Variants in DPRX observed in about 807,000 individuals in gnomAD.
DPRX encodes the protein divergent paired-related homeobox.
In DPRX, 11 loss-of-function variants were observed where a neutral mutation model predicts 8.4. That is an observed-to-expected ratio of 1.31 (90% CI 0.82 to 2.17). The LOEUF (loss-of-function observed/expected upper bound fraction) is 2.17. DPRX is among the 30% of genes most tolerant of loss of function. The probability of loss-of-function intolerance (pLI) is 0.00; values close to 1 mark genes in which losing one functional copy is unlikely to be tolerated. For synonymous variants in DPRX, 72 were observed against 87.0 expected (o/e 0.83, Z 0.96); for missense variants, 211 against 236.7 (o/e 0.89, Z 0.71).
chr19:53,632,117 CAG>C lies in DPRX; in HGVS notation c.14_15del (p.Glu5GlyfsTer4). 6.2e-7 allele frequency: 1 copy of C among 1,613,884 alleles called. No individual in the cohort carries two copies. The highest frequency in any genetic ancestry group is 8.5e-7 in the Non-Finnish European group (1 of 1,179,964). On this transcript the variant is annotated frameshift_variant, in exon 1 of 3. Coordinates refer to ENST00000376650, the Ensembl canonical transcript of DPRX. LOFTEE classifies it high-confidence loss of function. ...CATCTGGATTAGAAGATGCCAGGCT[CAG>C]AGGATCTTCGTAAAGGTAAGCCAGA... is the stretch of plus-strand genomic sequence containing the variant.
At chr19:53,621,621 C>T in the DPRX span, among the ~76,000 whole-genome samples, 1 of 151,796 alleles carries the variant, frequency 6.6e-6, no homozygotes, top group African/African-American at 2.4e-5. Context: ...CATGGTGAAA[C>T]GCTAATACAA....
chr19:53,620,092 C>A, the DPRX span, among the ~76,000 whole-genome samples: 5 of 152,052 alleles, frequency 3.3e-5, no homozygotes, highest in African/African-American at 1.2e-4. Context: ...CTTCTTTAGA[C>A]AGGGTCTCGC....
the DPRX span, among the ~76,000 whole-genome samples, chr19:53,602,821 G>C: frequency 6.6e-6 from 1 of 151,528 alleles, no homozygotes; most frequent in Admixed American, 6.6e-5. Context: ...GATTACAGGC[G>C]TGAGCCACTG....
chr19:53,633,215 C>T (rs984982396), intron 1 of DPRX, among the ~76,000 whole-genome samples: 5 of 152,116 alleles, frequency 3.3e-5, no homozygotes, highest in African/African-American at 1.2e-4. Flanking sequence ...ATCGCTTGAG[C>T]CTGGGGAGGT....
At chr19:53,601,167 C>G in the DPRX span, 1 of 438,892 alleles carries the variant, frequency 2.3e-6, no homozygotes, top group African/African-American at 2.0e-5. Flanking sequence ...CAGGCACACC[C>G]CACACTGTTA....
chr19:53,629,079 C>G (rs563188336), upstream of DPRX, among the ~76,000 whole-genome samples: 1 of 150,828 alleles, frequency 6.6e-6, no homozygotes, highest in African/African-American at 2.4e-5. Context: ...TTTGGGAGGC[C>G]GAGGCGGGCA....
the DPRX span, among the ~76,000 whole-genome samples, chr19:53,605,715 C>T: frequency 1.3e-5 from 2 of 151,766 alleles, no homozygotes; most frequent in East Asian, 1.9e-4. Flanking sequence ...CCCAGGCTGG[C>T]GTGCAGTGGT....
chr19:53,603,402 A>G, the DPRX span: 2 of 456,432 alleles, frequency 4.4e-6, no homozygotes, highest in East Asian at 7.0e-5. Context: ...CGGGGTGGGG[A>G]TGGTGCTGAC....
At chr19:53,619,653 C>A in the DPRX span, among the ~76,000 whole-genome samples, 5 of 138,068 alleles carry the variant, frequency 3.6e-5, no homozygotes, top group Admixed American at 3.0e-4. Context: ...CCAGCCTGGG[C>A]GACAAGAGTG....
At chr19:53,622,346 A>T in the DPRX span, among the ~76,000 whole-genome samples, 400 of 152,182 alleles carry the variant, frequency 2.6e-3, 1 homozygote, top group African/African-American at 8.7e-3. Flanking sequence ...TAAGAGAGAG[A>T]GAGAGAGGGG....
At chr19:53,634,723 C>T (rs1568585165) in intron 2 of DPRX, 38 bp downstream of exon 2, 7 of 1,589,090 alleles carry the variant, frequency 4.4e-6, no homozygotes, top group Non-Finnish European at 6.0e-6. Context: ...AACTGCCTTC[C>T]TGATCTAATC....
chr19:53,601,291 G>A, the DPRX span: 1 of 456,374 alleles, frequency 2.2e-6, no homozygotes, highest in South Asian at 1.5e-5. Flanking sequence ...TCCACATTGG[G>A]CCCAGGTCTC....
At chr19:53,608,644 C>A in the DPRX span, among the ~76,000 whole-genome samples, 6 of 152,284 alleles carry the variant, frequency 3.9e-5, no homozygotes, top group South Asian at 1.2e-3. Flanking sequence ...TGCCACTGAA[C>A]TGCATGCTTT....
intron 1 of DPRX, 132 bp downstream of exon 1, chr19:53,632,266 C>A: frequency 9.3e-7 from 1 of 1,073,256 alleles, no homozygotes; most frequent in Non-Finnish European, 1.4e-6. Context: ...GGACTTCCCA[C>A]AGAGGCTGTC....
the DPRX span, among the ~76,000 whole-genome samples, chr19:53,623,366 T>C: frequency 1.7e-4 from 25 of 148,348 alleles, no homozygotes; most frequent in Admixed American, 1.6e-3. Flanking sequence ...TGGCTGGGCA[T>C]GGTGGCTCAC....
upstream of DPRX, among the ~76,000 whole-genome samples, chr19:53,628,151 C>G (rs1026451229): frequency 1.3e-5 from 2 of 151,952 alleles, no homozygotes; most frequent in African/African-American, 4.8e-5. Context: ...TACATGTAAT[C>G]AAAGTTGCTG....
the DPRX span, among the ~76,000 whole-genome samples, chr19:53,605,140 G>A: frequency 2.0e-5 from 3 of 152,178 alleles, no homozygotes; most frequent in South Asian, 6.2e-4. Context: ...ACAGACCCCC[G>A]CCTCTACAAA....
chr19:53,623,150 A>C, the DPRX span, among the ~76,000 whole-genome samples: 1 of 151,168 alleles, frequency 6.6e-6, no homozygotes, highest in Non-Finnish European at 1.5e-5. Flanking sequence ...CCAAAAATAC[A>C]AAAAAAATTA....
chr19:53,633,652 G>A (rs2091101242), intron 1 of DPRX, among the ~76,000 whole-genome samples: 1 of 152,084 alleles, frequency 6.6e-6, no homozygotes, highest in South Asian at 2.1e-4. Context: ...TGGGACTACA[G>A]GCGTGCACCA....
Sources: allele counts gnomAD v4.1 joint callset (sites outside exome capture counted in the v4.1 genomes callset), GRCh38; gene constraint gnomAD v4.1.1; transcripts MANE v1.5; gene names NCBI Gene and HGNC (gene_info 2026-07-23, HGNC 2026-07-21).